Variants in PGBD1 observed in about 807,000 individuals in gnomAD.
PGBD1 encodes piggyBac transposable element derived 1, also known as piggyBac transposable element-derived protein 1.
Under a neutral mutation model 34.7 loss-of-function variants are expected in PGBD1, and 25 were observed. That is an observed-to-expected ratio of 0.72 (90% CI 0.52 to 1.00). The LOEUF (loss-of-function observed/expected upper bound fraction) is 1.00. Among genes scored for constraint, PGBD1 ranks in the 50% least tolerant of loss-of-function variants. PGBD1 has a pLI of 0.00. For missense variants in PGBD1, 830 were observed against 959.4 expected, an observed-to-expected ratio of 0.87 and a Z score of 1.78; for synonymous variants, 292 against 335.7, an observed-to-expected ratio of 0.87 and a Z score of 1.42.
intron 5 of PGBD1, 95 bp from the exon 6 acceptor site, chr6:28,297,800 A>G (rs1158700506): frequency 6.6e-6 from 4 of 609,964 alleles, no homozygotes; most frequent in Non-Finnish European, 7.8e-6. Flanking sequence ...TGGAACATCT[A>G]TTCCCTACCC....
rs765439654 is a variant in PGBD1, at chr6:28,300,324, AAC to A, written c.870-399_870-398del. On this transcript the variant is annotated intron_variant, in intron 6 of 6. Transcript: ENST00000682144. The surrounding 1 kb of genome is among the most constrained non-coding windows in gnomAD (Gnocchi z 4.0). The stretch of plus-strand genomic sequence containing the variant: ...ACTGACAGAAGTTAGACTGGATAAA[AAC>A]GGCTTAAAGGCAGAGCTAAATAGGC... Among the ~76,000 whole-genome samples, 2 of 152,184 alleles carry A rather than the reference AAC, an allele frequency of 1.3e-5. No individual in the cohort carries two copies. Among genetic ancestry groups the A allele is most frequent in the Non-Finnish European group, 2.9e-5 (2 of 68,024 alleles).
chr6:28,284,200 AG>A lies in PGBD1; in HGVS notation c.389del (p.Gly130AspfsTer36). Reference sequence around the variant, plus strand: ...ATCTAGAGACAGGAAGTGGAGACACAGGACAACAGGTGGGAAGAGAATGTGT... The same window carrying A: ...ATCTAGAGACAGGAAGTGGAGACACAGACAACAGGTGGGAAGAGAATGTGT... ...ENLETGSGDT[G>X]QQASVYIQGQ... On this transcript the variant is annotated frameshift_variant, in exon 2 of 7. Transcript: ENST00000682144. LOFTEE classifies it high-confidence loss of function. 6.5e-7 allele frequency: 1 copy of A among 1,547,732 alleles called. No homozygotes were observed. Among genetic ancestry groups the A allele is most frequent in the Middle Eastern group, 1.7e-4 (1 of 5,738 alleles).
At chr6:28,282,512 G>T (rs1478096772) in intron 1 of PGBD1, among the ~76,000 whole-genome samples, 1 of 152,302 alleles carries the variant, frequency 6.6e-6, no homozygotes, top group East Asian at 1.9e-4. Context: ...AGTTGGGCAG[G>T]AATACCGTAA....
intron 4 of PGBD1, among the ~76,000 whole-genome samples, 190 bp from the exon 5 acceptor site, chr6:28,296,626 A>G (rs1465079592): frequency 3.9e-5 from 6 of 152,074 alleles, no homozygotes; most frequent in African/African-American, 1.4e-4. Flanking sequence ...CTCTGGCCTC[A>G]CCCTCTGAAT....
chr6:28,297,816 GTT>G (rs368634720), intron 5 of PGBD1, 77 bp from the exon 6 acceptor site: 1,773 of 349,744 alleles, frequency 5.1e-3, no homozygotes, highest in African/African-American at 0.017. Flanking sequence ...TACCCTGGAA[GTT>G]TTTTTTTTTT....
At chr6:28,284,516 C>A (rs572274687) in intron 2 of PGBD1, among the ~76,000 whole-genome samples, 1 of 151,910 alleles carries the variant, frequency 6.6e-6, no homozygotes, top group Non-Finnish European at 1.5e-5. Flanking sequence ...GAGTCAGTTG[C>A]AAACACTATA....
chr6:28,297,140 G>A (rs9468327), intron 5 of PGBD1, among the ~76,000 whole-genome samples, 195 bp downstream of exon 5: 1 of 152,156 alleles, frequency 6.6e-6, no homozygotes, highest in Non-Finnish European at 1.5e-5. Context: ...TTACTAATCA[G>A]TTTACTGATT....
intron 2 of PGBD1, among the ~76,000 whole-genome samples, chr6:28,285,085 G>A (rs757557861): frequency 6.6e-6 from 1 of 152,144 alleles, no homozygotes; most frequent in Non-Finnish European, 1.5e-5. Flanking sequence ...TGTTATTTTT[G>A]AAGAGTACAG....
chr6:28,295,944 T>A (rs9461448), intron 4 of PGBD1, among the ~76,000 whole-genome samples: 1 of 152,138 alleles, frequency 6.6e-6, no homozygotes, highest in African/African-American at 2.4e-5. Flanking sequence ...TGAAACCCCC[T>A]CCTTGTCAAA....
At chr6:28,286,277 A>G (rs987048117) in intron 3 of PGBD1, among the ~76,000 whole-genome samples, 4 of 152,230 alleles carry the variant, frequency 2.6e-5, no homozygotes, top group Admixed American at 1.3e-4. Context: ...TTGGGTTAGA[A>G]TTACCACATG....
chr6:28,287,262 C>A, intron 4 of PGBD1, 94 bp downstream of exon 4: 1 of 1,078,046 alleles, frequency 9.3e-7, no homozygotes, highest in Non-Finnish European at 1.4e-6. Context: ...CACTCATCAT[C>A]GTGAGAGCCA....
chr6:28,285,324 C>T (rs997968138), intron 2 of PGBD1, among the ~76,000 whole-genome samples: 1 of 152,162 alleles, frequency 6.6e-6, no homozygotes, highest in Non-Finnish European at 1.5e-5. Flanking sequence ...ACTAAGTAAT[C>T]TGTGGGAGAC....
chr6:28,298,063 A>G (rs948143982), intron 6 of PGBD1, 72 bp downstream of exon 6: 3 of 1,088,986 alleles, frequency 2.8e-6, no homozygotes, highest in Non-Finnish European at 4.2e-6. Context: ...AGAGAAACCA[A>G]TTGGTCAAAG....
In PGBD1 at chr6:28,283,939, T is replaced by G. The variant is rs1150723; in HGVS notation, c.126T>G (p.Ile42Met). ...AGGGCAGCTCCCACACTCAGGAGAT[T>G]TGCCGCCTGCGCTTTCGGCACTTCT... ...SQEGSSHTQE[I>M]CRLRFRHFCY... is the part of the protein sequence containing the mutation. The change falls in exon 2 of 7, where the codon ATT (isoleucine) becomes ATG (methionine). Residue 42 changes from isoleucine to methionine, a missense_variant. Coordinates refer to ENST00000682144, the MANE Select transcript of PGBD1 (RefSeq NM_032507.4). 6.2e-7 allele frequency: 1 copy of G among 1,614,112 alleles called. No homozygotes were observed. The highest frequency in any genetic ancestry group is 2.2e-5 in the East Asian group (1 of 44,884).
intron 3 of PGBD1, 26 bp downstream of exon 3, chr6:28,285,733 G>A (rs770482878): frequency 6.2e-7 from 1 of 1,600,894 alleles, no homozygotes; most frequent in Non-Finnish European, 8.5e-7. Context: ...AGTTTAGTGA[G>A]GACGCTGGGA....
At chr6:28,291,595 C>A (rs993238223) in intron 4 of PGBD1, among the ~76,000 whole-genome samples, 1 of 149,324 alleles carries the variant, frequency 6.7e-6, no homozygotes, top group Non-Finnish European at 1.5e-5. Context: ...CTTCCAAATT[C>A]ATTCTAGGAG....
intron 4 of PGBD1, among the ~76,000 whole-genome samples, chr6:28,292,730 A>G (rs945342252): frequency 1.3e-5 from 2 of 152,214 alleles, no homozygotes; most frequent in African/African-American, 4.8e-5. Flanking sequence ...TCTTATAAGA[A>G]GTCCATATTT....
At chr6:28,297,844 T>TTTTTAAAA in intron 5 of PGBD1, 51 bp from the exon 6 acceptor site, 1 of 324,848 alleles carries the variant, frequency 3.1e-6, no homozygotes. Flanking sequence ...TTTTTTTTTT[T>TTTTTAAAA]TCAAAATTCA....
At chr6:28,286,464 T>C (rs1381120389) in intron 3 of PGBD1, among the ~76,000 whole-genome samples, 1 of 152,196 alleles carries the variant, frequency 6.6e-6, no homozygotes, top group African/African-American at 2.4e-5. Flanking sequence ...GGCAATAATT[T>C]GGACCTTCTT....
Sources: allele counts gnomAD v4.1 joint callset (sites outside exome capture counted in the v4.1 genomes callset), GRCh38; gene constraint gnomAD v4.1.1; non-coding constraint Gnocchi (gnomAD v3.1); transcripts MANE v1.5; gene names NCBI Gene and HGNC (gene_info 2026-07-23, HGNC 2026-07-21).